The following SLCO2B1 variants were observed in gnomAD, a reference collection of about 807,000 sequenced individuals.
SLCO2B1 encodes the protein OATP-RP2.
SLCO2B1 carries 41 observed loss-of-function variants against 67.3 expected under a neutral mutation model. The ratio of observed to expected loss-of-function variants is 0.61; its 90% CI spans 0.47 to 0.79. The LOEUF (loss-of-function observed/expected upper bound fraction) is 0.79, where lower values mean the gene tolerates loss of function less well. SLCO2B1 is among the 30% of genes least tolerant of loss of function. The probability of loss-of-function intolerance (pLI) is 0.00; values close to 1 mark genes in which losing one functional copy is unlikely to be tolerated. For synonymous variants in SLCO2B1, 379 were observed against 381.4 expected, an observed-to-expected ratio of 0.99 and a Z score of 0.07; for missense variants, 837 against 920.1, an observed-to-expected ratio of 0.91 and a Z score of 1.17.
intron 8 of SLCO2B1, among the ~76,000 whole-genome samples, chr11:75,190,546 T>C (rs982143387): frequency 1.3e-5 from 2 of 151,984 alleles, no homozygotes; most frequent in African/African-American, 4.8e-5. Flanking sequence ...ATCTCTCTGA[T>C]GGAGGTTACG....
At chr11:75,164,144 T>C (rs760528572) in intron 3 of SLCO2B1, 44 bp downstream of exon 3, 5 of 1,582,730 alleles carry the variant, frequency 3.2e-6, no homozygotes, top group Non-Finnish European at 4.3e-6. Flanking sequence ...TGAGGGAGGC[T>C]TGCACCGCAC....
rs1423659076 is a variant in SLCO2B1 at position 75,165,968 on chromosome 11, G to A, written c.448+19G>A. 1.9e-6 allele frequency: 3 copies of A among 1,607,796 alleles called. No individual in the cohort carries two copies. The highest frequency in any genetic ancestry group is 2.6e-6 in the Non-Finnish European group (3 of 1,175,946). ...AGCCCTGGTAAGAGCAGCAGGGGCT[G>A]GGCAGGAGTGGGACGTTAGCCTCTG... On this transcript the variant is annotated intron_variant, in intron 4 of 13. Transcript: ENST00000289575.
chr11:75,169,225 C>A lies in SLCO2B1; in HGVS notation c.501C>A (p.Ala167=). Reference sequence around the variant, plus strand: ...CCCTGTGCCTGCCCACAACCTCGGCCCCAGCCTCGGCCCCCTCCAATGGCA... The same window carrying A: ...CCCTGTGCCTGCCCACAACCTCGGCACCAGCCTCGGCCCCCTCCAATGGCA... ...KASLCLPTTS[A]PASAPSNGNC... is the part of the protein sequence containing the mutation. The change falls in exon 5 of 14, where the codon GCC becomes GCA. Residue 167 remains alanine (A), a synonymous_variant. Transcript: ENST00000289575. 6.2e-7 allele frequency: 1 copy of A among 1,614,178 alleles called. No individual in the cohort carries two copies. Among genetic ancestry groups the A allele is most frequent in the East Asian group, 2.2e-5 (1 of 44,880 alleles).
intron 7 of SLCO2B1, among the ~76,000 whole-genome samples, chr11:75,180,046 C>T (rs1950075689): frequency 6.6e-6 from 1 of 152,032 alleles, no homozygotes; most frequent in Non-Finnish European, 1.5e-5. Flanking sequence ...GAAATGGAGT[C>T]TCTCTCTGTC....
intron 10 of SLCO2B1, among the ~76,000 whole-genome samples, chr11:75,198,429 A>G (rs893782630): frequency 6.6e-6 from 1 of 152,254 alleles, no homozygotes; most frequent in African/African-American, 2.4e-5. Context: ...AACGTTATCC[A>G]TGAAAGCACA....
chr11:75,193,632 AG>A lies in SLCO2B1; in HGVS notation c.1433+61del. 2 of 1,460,072 alleles carry A rather than the reference AG, an allele frequency of 1.4e-6. No homozygotes were observed. Among genetic ancestry groups the A allele is most frequent in the Non-Finnish European group, 1.8e-6 (2 of 1,094,530 alleles). The allele number at this position is 1,460,072 out of a possible 1,614,324, so 90.4% of individuals were successfully genotyped here. ...CCTGGGAGGACAGGACAGGGAGGAC[AG>A]GGGCCCTGGGCAGAGGCCAGGATGG... On this transcript the variant is annotated intron_variant, in intron 9 of 13. Transcript: ENST00000289575. This position sits in a 1 kb window ranked among gnomAD's most constrained non-coding sequence, Gnocchi z 4.2.
chr11:75,165,498 C>G (rs1288472860), intron 3 of SLCO2B1, among the ~76,000 whole-genome samples: 1 of 151,972 alleles, frequency 6.6e-6, no homozygotes, highest in Admixed American at 6.6e-5. Flanking sequence ...TCCTGAAACT[C>G]GAAACCCCTT....
At chr11:75,172,321 G>A (rs1949970166) in intron 6 of SLCO2B1, 58 bp from the exon 7 acceptor site, 1 of 1,505,468 alleles carries the variant, frequency 6.6e-7, no homozygotes. Context: ...CAGGATGGCG[G>A]CTTAGAAGTG....
At chr11:75,174,615 G>C (rs1258089020) in intron 7 of SLCO2B1, among the ~76,000 whole-genome samples, 3 of 152,242 alleles carry the variant, frequency 2.0e-5, no homozygotes, top group African/African-American at 7.2e-5. Context: ...AGTTTCAGGG[G>C]AAGAAGACAG....
intron 8 of SLCO2B1, among the ~76,000 whole-genome samples, chr11:75,192,783 C>T (rs1221525420): frequency 6.6e-6 from 1 of 152,178 alleles, no homozygotes; most frequent in African/African-American, 2.4e-5. Context: ...TAGTGGCTCA[C>T]GTCTGTAATC....
intron 11 of SLCO2B1, chr11:75,200,645 T>C: frequency 5.3e-6 from 2 of 379,912 alleles, no homozygotes; most frequent in Non-Finnish European, 9.4e-6. Context: ...GGTGGAATAG[T>C]ACTGGTTCCC....
At chr11:75,159,381 C>T (rs1949786111) in intron 1 of SLCO2B1, among the ~76,000 whole-genome samples, 1 of 152,220 alleles carries the variant, frequency 6.6e-6, no homozygotes, top group African/African-American at 2.4e-5. Flanking sequence ...CTCTCTGCCC[C>T]AGGTCCCTTC....
At chr11:75,192,657 T>A (rs1945040002) in intron 8 of SLCO2B1, among the ~76,000 whole-genome samples, 1 of 151,988 alleles carries the variant, frequency 6.6e-6, no homozygotes, top group African/African-American at 2.4e-5. Flanking sequence ...ACCAGAACTA[T>A]ATGGAACTGA....
intron 8 of SLCO2B1, 26 bp downstream of exon 8, chr11:75,188,264 G>C: frequency 1.3e-6 from 2 of 1,502,534 alleles, no homozygotes; most frequent in Non-Finnish European, 1.9e-6. Context: ...CCAGGTTATG[G>C]GGAGCCAGGG....
At chr11:75,153,270 C>T (rs1359808612) in intron 1 of SLCO2B1, among the ~76,000 whole-genome samples, 2 of 152,164 alleles carry the variant, frequency 1.3e-5, no homozygotes, top group East Asian at 3.9e-4. Context: ...TGAGGTTCAT[C>T]CCTCCTTGTT....
In SLCO2B1 at chr11:75,204,495, C is replaced by T. The variant is rs1945240378; in HGVS notation, c.2045C>T (p.Thr682Ile). Residue 682 changes from threonine (T) to isoleucine (I), a missense_variant, in exon 14 of 14, where the codon ACC (threonine) becomes ATC (isoleucine). Coordinates refer to ENST00000289575, the MANE Select transcript of SLCO2B1 (RefSeq NM_007256.5). ...AGGCAGCAGGACAAAGAGGCAAGGA[C>T]CAAAGAGAGCAGATCCAGCCCTGCC... ...VLRQQDKEARTKESRSSPAVE... is the reference protein window; with the variant it reads ...VLRQQDKEARIKESRSSPAVE... 1.4e-5 allele frequency: 23 copies of T among 1,613,588 alleles called. No individual in the cohort carries two copies. The highest frequency in any genetic ancestry group is 1.8e-5 in the Non-Finnish European group (21 of 1,179,722).
chr11:75,173,854 T>C (rs1949993832), intron 7 of SLCO2B1, among the ~76,000 whole-genome samples: 1 of 152,212 alleles, frequency 6.6e-6, no homozygotes, highest in Non-Finnish European at 1.5e-5. Flanking sequence ...TCTTACCCTA[T>C]TGCCCAGGCT....
At chr11:75,197,654 T>C (rs1002211772) in intron 10 of SLCO2B1, among the ~76,000 whole-genome samples, 5 of 152,072 alleles carry the variant, frequency 3.3e-5, no homozygotes, top group Non-Finnish European at 5.9e-5. Flanking sequence ...CTTGAGGCCA[T>C]AGTGTGGGGG....
At chr11:75,159,327 C>A (rs2140303176) in intron 1 of SLCO2B1, among the ~76,000 whole-genome samples, 1 of 152,368 alleles carries the variant, frequency 6.6e-6, no homozygotes, top group African/African-American at 2.4e-5. Flanking sequence ...CTTAGCTGCC[C>A]ACCTGGGAGA....
Sources: allele counts gnomAD v4.1 joint callset (sites outside exome capture counted in the v4.1 genomes callset), GRCh38; gene constraint gnomAD v4.1.1; non-coding constraint Gnocchi (gnomAD v3.1); transcripts MANE v1.5; gene names NCBI Gene and HGNC (gene_info 2026-07-23, HGNC 2026-07-21).